Variants in ATXN2 observed in about 807,000 individuals in gnomAD.
The protein encoded by ATXN2 is ataxin 2.
In ATXN2, 37 loss-of-function variants were observed where a neutral mutation model predicts 138.6. The observed-to-expected ratio is 0.27, with a 90% confidence interval of 0.21 to 0.35. ATXN2 has a LOEUF of 0.35. ATXN2 is among the 10% of genes least tolerant of loss of function. The probability of loss-of-function intolerance (pLI) is 1.00; values close to 1 mark genes in which losing one functional copy is unlikely to be tolerated. For synonymous variants in ATXN2, 549 were observed against 543.7 expected, an observed-to-expected ratio of 1.01 and a Z score of -0.13; for missense variants, 1,216 against 1,480.3, an observed-to-expected ratio of 0.82 and a Z score of 2.93.
intron 6 of ATXN2, among the ~76,000 whole-genome samples, chr12:111,523,448 G>A (rs551207711): frequency 6.6e-6 from 1 of 152,196 alleles, no homozygotes; most frequent in East Asian, 1.9e-4. Context: ...CTATGGCCAG[G>A]CATGGTGGTT....
intron 1 of ATXN2, among the ~76,000 whole-genome samples, chr12:111,559,461 A>C (rs1256649447): frequency 6.6e-6 from 1 of 151,798 alleles, no homozygotes; most frequent in Non-Finnish European, 1.5e-5. Flanking sequence ...AGAACTTATG[A>C]ATTTTAAAAT....
intron 5 of ATXN2, among the ~76,000 whole-genome samples, chr12:111,540,893 C>T (rs1346261955): frequency 6.7e-6 from 1 of 149,876 alleles, no homozygotes; most frequent in East Asian, 1.9e-4. Context: ...GATGGGGTTT[C>T]ACCAGGTTGA....
rs1486296598 is a variant in ATXN2 at position 111,485,973 on chromosome 12, G to A, written c.2305-108C>T. 3.7e-6 allele frequency: 4 copies of A among 1,082,968 alleles called. No homozygotes were observed. In the African/African-American group the frequency reaches 6.5e-5, roughly 17 times the overall value. 67.1% of individuals were successfully genotyped at this position (1,082,968 alleles called of 1,614,324 possible). A position where few individuals can be genotyped will look rare whatever the true frequency, so the allele number is the denominator to read the frequency against. On this transcript the variant is annotated intron_variant, in intron 16 of 24. Coordinates refer to ENST00000673436, the MANE Select transcript of ATXN2 (RefSeq NM_001372574.1). Reference sequence around the variant, plus strand: ...TTCTAATTTTACTTGCTTTAACTATGTCCCTTTTATTGAAAACAAAAACAC... The same window carrying A: ...TTCTAATTTTACTTGCTTTAACTATATCCCTTTTATTGAAAACAAAAACAC...
At chr12:111,586,838 A>G in intron 1 of ATXN2, among the ~76,000 whole-genome samples, 1 of 152,098 alleles carries the variant, frequency 6.6e-6, no homozygotes. Flanking sequence ...TCAACTTTCT[A>G]TCACGCTACT....
At chr12:111,470,518 TATGGTACAAAAATTAAG>T in intron 19 of ATXN2, 23 bp downstream of exon 19, 5 of 1,592,690 alleles carry the variant, frequency 3.1e-6, no homozygotes, top group Non-Finnish European at 4.3e-6. Context: ...AGTTTTTTTA[TATGGTACAAAAATTAAG>T]AGTTAGGCCT....
At chr12:111,485,153 A>G (rs2135698105) in intron 18 of ATXN2, 112 bp downstream of exon 18, 1 of 945,604 alleles carries the variant, frequency 1.1e-6, no homozygotes, top group East Asian at 2.4e-5. Flanking sequence ...GCCAATGCAT[A>G]GCCTCATCAA....
At chr12:111,551,518 G>A (rs116680934) in intron 5 of ATXN2, among the ~76,000 whole-genome samples, 1,789 of 152,102 alleles carry the variant, frequency 0.012, 38 homozygotes, top group African/African-American at 0.041. Flanking sequence ...TTTAAAATAC[G>A]TATGTTCTAC....
At chr12:111,588,341 AAT>A (rs1365309412) in intron 1 of ATXN2, among the ~76,000 whole-genome samples, 3 of 152,146 alleles carry the variant, frequency 2.0e-5, no homozygotes, top group African/African-American at 7.2e-5. Flanking sequence ...TGCAAACACA[AAT>A]AATTACCAGC....
At chr12:111,530,386 G>C (rs948260917) in intron 5 of ATXN2, among the ~76,000 whole-genome samples, 2 of 152,152 alleles carry the variant, frequency 1.3e-5, no homozygotes, top group African/African-American at 4.8e-5. Flanking sequence ...AAGTTCTAAG[G>C]AACAAAAGGC....
intron 5 of ATXN2, among the ~76,000 whole-genome samples, chr12:111,526,752 G>A (rs1390809870): frequency 2.6e-5 from 4 of 152,174 alleles, no homozygotes; most frequent in South Asian, 2.1e-4. Context: ...ATATACCTTC[G>A]GAGTACTTGC....
At chr12:111,464,309 C>T (rs1242906672) in intron 21 of ATXN2, among the ~76,000 whole-genome samples, 2 of 124,102 alleles carry the variant, frequency 1.6e-5, no homozygotes, top group African/African-American at 6.5e-5. Flanking sequence ...AAATTTATAC[C>T]AAGCTTGTGG....
chr12:111,525,413 T>C lies in ATXN2; in HGVS notation c.572-97A>G, dbSNP rs117536250. ...AACAAAGACATATGTTAAAAAACAA[T>C]TACGAAAAATGAATTTCACATAATT... On this transcript the variant is annotated intron_variant, in intron 5 of 24. Coordinates refer to ENST00000673436, the MANE Select transcript of ATXN2 (RefSeq NM_001372574.1). 7.4e-3 allele frequency: 9,206 copies of C among 1,250,200 alleles called. 59 individuals are homozygous for C. Among genetic ancestry groups the C allele is most frequent in the Non-Finnish European group, 8.2e-3 (7,766 of 949,158 alleles). 77.4% of individuals were successfully genotyped at this position (1,250,200 alleles called of 1,614,324 possible). A position where few individuals can be genotyped will look rare whatever the true frequency, so the allele number is the denominator to read the frequency against.
At chr12:111,565,632 G>A (rs910850584) in intron 1 of ATXN2, among the ~76,000 whole-genome samples, 8 of 152,014 alleles carry the variant, frequency 5.3e-5, no homozygotes, top group African/African-American at 1.9e-4. Flanking sequence ...ACTACTCCAC[G>A]AACCAGCAGT....
At chr12:111,489,869 T>C (rs186544782) in intron 14 of ATXN2, among the ~76,000 whole-genome samples, 10 of 152,122 alleles carry the variant, frequency 6.6e-5, no homozygotes, top group East Asian at 1.9e-4. Context: ...CAGAAAATGA[T>C]AGACTCGTCA....
chr12:111,497,490 C>T (rs1403864285), intron 14 of ATXN2, among the ~76,000 whole-genome samples: 2 of 151,952 alleles, frequency 1.3e-5, no homozygotes, highest in Non-Finnish European at 2.9e-5. Context: ...ACTAGCAAAC[C>T]GAATTCAGTA....
intron 14 of ATXN2, among the ~76,000 whole-genome samples, chr12:111,491,586 G>A (rs529323026): frequency 3.5e-4 from 53 of 152,316 alleles, no homozygotes; most frequent in Middle Eastern, 6.8e-3. Context: ...ACCAAGCATA[G>A]TTCTGAAGCC....
At chr12:111,597,171 T>G (rs1021527104) in intron 1 of ATXN2, among the ~76,000 whole-genome samples, 2 of 150,844 alleles carry the variant, frequency 1.3e-5, no homozygotes, top group African/African-American at 4.9e-5. Flanking sequence ...GGGCGGGGCG[T>G]GTAAAGTCAA....
intron 5 of ATXN2, among the ~76,000 whole-genome samples, chr12:111,543,072 TA>T (rs1412695449): frequency 2.0e-5 from 3 of 152,212 alleles, no homozygotes; most frequent in Non-Finnish European, 2.9e-5. Context: ...TTCCATTACA[TA>T]GATCCGTTCC....
chr12:111,561,806 A>C (rs796641690), intron 1 of ATXN2, among the ~76,000 whole-genome samples: 5 of 152,000 alleles, frequency 3.3e-5, no homozygotes, highest in African/African-American at 1.2e-4. Flanking sequence ...TGACAGAGCA[A>C]GACTCCGTCT....
Sources: allele counts gnomAD v4.1 joint callset (sites outside exome capture counted in the v4.1 genomes callset), GRCh38; gene constraint gnomAD v4.1.1; transcripts MANE v1.5; gene names NCBI Gene and HGNC (gene_info 2026-07-23, HGNC 2026-07-21).